Variants in AGAP1 observed in about 807,000 individuals in gnomAD.
AGAP1 encodes arf-GAP with GTPase, ANK repeat and PH domain-containing protein 1.
AGAP1 carries 29 observed loss-of-function variants against 105.3 expected under a neutral mutation model. The ratio of observed to expected loss-of-function variants is 0.28; its 90% confidence interval spans 0.21 to 0.38. The LOEUF (loss-of-function observed/expected upper bound fraction) is 0.38, where lower values mean the gene tolerates loss of function less well. Ranked by LOEUF, AGAP1 falls within the 10% of genes least tolerant of loss-of-function variation. AGAP1 has a pLI of 1.00. For synonymous variants in AGAP1, 509 were observed against 485.9 expected, an observed-to-expected ratio of 1.05 and a Z score of -0.63; for missense variants, 998 against 1,165.1, an observed-to-expected ratio of 0.86 and a Z score of 2.09.
chr2:235,564,550 G>C (rs1052997848), intron 1 of AGAP1, among the ~76,000 whole-genome samples: 2 of 152,222 alleles, frequency 1.3e-5, no homozygotes, highest in African/African-American at 4.8e-5. Context: ...TTGAGGGCCT[G>C]CCTGCCTTGA....
At chr2:236,098,385 A>G (rs1419214351) in intron 16 of AGAP1, among the ~76,000 whole-genome samples, 1 of 151,992 alleles carries the variant, frequency 6.6e-6, no homozygotes, top group African/African-American at 2.4e-5. Context: ...AGCCTGAGCA[A>G]CATGATGAAA....
At position 235,830,347 on chromosome 2, in the gene AGAP1, A is replaced by T. The variant is rs973815161; in HGVS notation, c.1050+23016A>T. On this transcript the variant is annotated intron_variant, in intron 9 of 17. Coordinates refer to ENST00000304032, the MANE Select transcript of AGAP1 (RefSeq NM_001037131.3). This position sits in a 1 kb window ranked among gnomAD's most constrained non-coding sequence, Gnocchi z 5.5. ...TCATATTTTGCTCATGTCAGTGAGGAGATAGATGTGTGCTGTCACTTAGCA... is the reference window on the plus strand; with the variant it reads ...TCATATTTTGCTCATGTCAGTGAGGTGATAGATGTGTGCTGTCACTTAGCA... Among the ~76,000 whole-genome samples the T allele has an allele frequency of 3.9e-5, 6 of 152,184 alleles. No individual in the cohort carries two copies. Among genetic ancestry groups the T allele is most frequent in the Non-Finnish European group, 7.3e-5 (5 of 68,032 alleles).
chr2:235,783,759 C>T, intron 6 of AGAP1, among the ~76,000 whole-genome samples: 1 of 152,110 alleles, frequency 6.6e-6, no homozygotes, highest in Admixed American at 6.5e-5. Flanking sequence ...CCCAGAGGAA[C>T]TCCTCAGGGG....
intron 9 of AGAP1, among the ~76,000 whole-genome samples, chr2:235,852,511 C>T (rs2048513508): frequency 6.6e-6 from 1 of 152,224 alleles, no homozygotes; most frequent in African/African-American, 2.4e-5. Context: ...TTGAAGCAAG[C>T]ATGCTGTGTG....
rs2058227598 is a variant in AGAP1, at chr2:236,062,472, T to G, written c.2114+13191T>G. Among the ~76,000 whole-genome samples the G allele has an allele frequency of 8.5e-6, 1 of 117,416 alleles. No individual in the cohort carries two copies. The highest frequency in any genetic ancestry group is 1.9e-5 in the Non-Finnish European group (1 of 53,810). 77.0% of individuals were successfully genotyped at this position (117,416 alleles called of 152,430 possible). ...TGTTGTTGTTGTTGTTACTTTTCAT[T>G]TATTTTCATGTATTTTTTTTAGAAA... is the stretch of plus-strand genomic sequence containing the variant. On this transcript the variant is annotated intron_variant, in intron 16 of 17. Coordinates refer to ENST00000304032, the MANE Select transcript of AGAP1 (RefSeq NM_001037131.3). The surrounding 1 kb of genome is among the most constrained non-coding windows in gnomAD (Gnocchi z 4.2).
At position 236,046,201 on chromosome 2, in the gene AGAP1, G is replaced by A. The variant is rs559369135; in HGVS notation, c.1892-2858G>A. On this transcript the variant is annotated intron_variant, in intron 15 of 17. Coordinates refer to ENST00000304032, the MANE Select transcript of AGAP1 (RefSeq NM_001037131.3). The surrounding 1 kb of genome is among the most constrained non-coding windows in gnomAD (Gnocchi z 5.2). ...GGATCCAGATGTGAGTGGAGACAGT[G>A]TGTCAGAGCACTCCCCACAGCACTC... Among the ~76,000 whole-genome samples the A allele has an allele frequency of 5.9e-5, 9 of 152,310 alleles. No homozygotes were observed. The South Asian group carries it at 1.5e-3, about 25-fold the overall frequency.
chr2:235,795,912 C>A (rs1342543863), intron 6 of AGAP1, among the ~76,000 whole-genome samples: 1 of 152,190 alleles, frequency 6.6e-6, no homozygotes, highest in Non-Finnish European at 1.5e-5. Flanking sequence ...CATTCATTTG[C>A]ATTTGAAGTT....
rs569572279 is a variant in AGAP1 at position 235,845,123 on chromosome 2, C to T, written c.1050+37792C>T. Among the ~76,000 whole-genome samples the T allele has an allele frequency of 1.1e-3, 163 of 152,274 alleles. No homozygotes were observed. Among genetic ancestry groups the T allele is most frequent in the African/African-American group, 1.6e-3 (67 of 41,554 alleles). ...TCCTGTGTCATCCTGTTTAGCCGTT[C>T]GCTCAAACAGAGAACTGTAGATGGG... On this transcript the variant is annotated intron_variant, in intron 9 of 17. Coordinates refer to ENST00000304032, the MANE Select transcript of AGAP1 (RefSeq NM_001037131.3). The surrounding 1 kb of genome is among the most constrained non-coding windows in gnomAD (Gnocchi z 4.8).
At chr2:235,629,781 C>T (rs1946764832) in intron 1 of AGAP1, among the ~76,000 whole-genome samples, 1 of 148,346 alleles carries the variant, frequency 6.7e-6, no homozygotes, top group South Asian at 2.1e-4. Flanking sequence ...TGGAGGATCC[C>T]TTGAGCCAGG....
chr2:236,057,615 C>T (rs992137231), intron 16 of AGAP1, among the ~76,000 whole-genome samples: 1 of 151,810 alleles, frequency 6.6e-6, no homozygotes, highest in Non-Finnish European at 1.5e-5. Flanking sequence ...CCCAACACTG[C>T]GTTTTGGGAA....
chr2:236,122,383 T>C (rs1364830694), intron 17 of AGAP1, among the ~76,000 whole-genome samples: 1 of 152,180 alleles, frequency 6.6e-6, no homozygotes, highest in Non-Finnish European at 1.5e-5. Flanking sequence ...TGTGAATTGT[T>C]GGTGGGAGCG....
rs1481908535 is a variant in AGAP1, at chr2:235,866,254, G to A, written c.1051-17091G>A. Reference sequence around the variant, plus strand: ...TGGTGTGGTTATTCTTGCAGGTTGAGCCGGGTGCTAGCTACTGATGTGGGA... The same window carrying A: ...TGGTGTGGTTATTCTTGCAGGTTGAACCGGGTGCTAGCTACTGATGTGGGA... On this transcript the variant is annotated intron_variant, in intron 9 of 17. Transcript: ENST00000304032. The surrounding 1 kb of genome is among the most constrained non-coding windows in gnomAD (Gnocchi z 6.1). Among the ~76,000 whole-genome samples, 2 of 152,178 alleles carry A rather than the reference G, an allele frequency of 1.3e-5. No homozygotes were observed. The highest frequency in any genetic ancestry group is 4.8e-5 in the African/African-American group (2 of 41,434).
Position 235,891,323 on chromosome 2 carries a change from G to C in AGAP1, c.1155+7874G>C, listed in dbSNP as rs150895282. Among the ~76,000 whole-genome samples the C allele has an allele frequency of 8.2e-4, 125 of 152,260 alleles. 1 individual carries two copies. In the East Asian group the frequency reaches 9.7e-3, roughly 12 times the overall value. Reference sequence around the variant, plus strand: ...CTGCGGTCTACATTTTTGTGTCTTTGAAAAATTGTATGTCTCCAAGACCTT... The same window carrying C: ...CTGCGGTCTACATTTTTGTGTCTTTCAAAAATTGTATGTCTCCAAGACCTT... On this transcript the variant is annotated intron_variant, in intron 10 of 17. Coordinates refer to ENST00000304032, the MANE Select transcript of AGAP1 (RefSeq NM_001037131.3). The surrounding 1 kb of genome is among the most constrained non-coding windows in gnomAD (Gnocchi z 4.2).
At position 235,842,499 on chromosome 2, in the gene AGAP1, T is replaced by C. The variant is rs1960984307; in HGVS notation, c.1050+35168T>C. Among the ~76,000 whole-genome samples, 1 of 152,168 alleles carries C rather than the reference T, an allele frequency of 6.6e-6. No individual in the cohort carries two copies. Among genetic ancestry groups the C allele is most frequent in the South Asian group, 2.1e-4 (1 of 4,830 alleles). On this transcript the variant is annotated intron_variant, in intron 9 of 17. Transcript: ENST00000304032. This position sits in a 1 kb window ranked among gnomAD's most constrained non-coding sequence, Gnocchi z 5.3. ...GGGTCTCAGTGCATTAATAAAGCAG[T>C]GTGCTTATTACCCAGCCACAGGCGT... is the stretch of plus-strand genomic sequence containing the variant.
At chr2:235,902,543 T>C (rs747643915) in intron 10 of AGAP1, among the ~76,000 whole-genome samples, 1 of 152,196 alleles carries the variant, frequency 6.6e-6, no homozygotes, top group Non-Finnish European at 1.5e-5. Context: ...TCATATAACA[T>C]CAAAAATTTT....
chr2:235,745,897 G>A (rs1473072821), intron 5 of AGAP1, among the ~76,000 whole-genome samples: 1 of 152,238 alleles, frequency 6.6e-6, no homozygotes, highest in Non-Finnish European at 1.5e-5. Context: ...GGAGGCCCAG[G>A]CAGGTGGGAT....
chr2:236,085,147 C>T (rs1044235556), intron 16 of AGAP1, among the ~76,000 whole-genome samples: 6 of 136,370 alleles, frequency 4.4e-5, no homozygotes, highest in African/African-American at 1.7e-4. Flanking sequence ...ACCCGGGAGG[C>T]GGAGGTCGCA....
intron 1 of AGAP1, among the ~76,000 whole-genome samples, chr2:235,565,889 A>G (rs1944331383): frequency 6.6e-6 from 1 of 151,836 alleles, no homozygotes; most frequent in Non-Finnish European, 1.5e-5. Flanking sequence ...CAATTTGTCC[A>G]CCTCAATCTC....
chr2:235,938,314 C>T (rs1306643587), intron 12 of AGAP1, among the ~76,000 whole-genome samples: 1 of 152,168 alleles, frequency 6.6e-6, no homozygotes, highest in Non-Finnish European at 1.5e-5. Flanking sequence ...GTGGTCAAGG[C>T]TAGATTCAAA....
Sources: gnomAD v4.1 joint callset for allele counts (sites outside exome capture counted in the v4.1 genomes callset) on GRCh38, gnomAD v4.1.1 for gene constraint, Gnocchi (gnomAD v3.1) non-coding constraint, MANE v1.5 for transcripts, NCBI Gene and HGNC (gene_info 2026-07-23, HGNC 2026-07-21) for gene names.